Variants in METTL8 observed in about 807,000 individuals in gnomAD.
METTL8 encodes methyltransferase 8, tRNA N3-cytidine, also known as tRNA N(3)-cytidine methyltransferase METTL8, mitochondrial.
A neutral mutation model predicts 48.7 loss-of-function variants in METTL8; 32 were observed. The ratio of observed to expected loss-of-function variants is 0.66; its 90% CI spans 0.50 to 0.88. The LOEUF (loss-of-function observed/expected upper bound fraction) is 0.88. Among genes scored for constraint, METTL8 ranks in the 40% least tolerant of loss-of-function variants. The pLI is 0.00. For synonymous variants in METTL8, 136 were observed against 157.1 expected (o/e 0.87, Z 1.01); for missense variants, 464 against 474.4 (o/e 0.98, Z 0.20).
At chr2:171,347,055 C>T (rs1031310353) in intron 3 of METTL8, among the ~76,000 whole-genome samples, 1 of 152,184 alleles carries the variant, frequency 6.6e-6, no homozygotes, top group Non-Finnish European at 1.5e-5. Context: ...TGTTCCTTCT[C>T]CCTGCAGTGG....
chr2:171,413,882 G>T (rs1691005722), intron 1 of METTL8, among the ~76,000 whole-genome samples: 1 of 152,120 alleles, frequency 6.6e-6, no homozygotes, highest in Non-Finnish European at 1.5e-5. Flanking sequence ...AGGGGGCACT[G>T]AACTGAGAGA....
At chr2:171,354,364 TG>T (rs2105456054) in intron 3 of METTL8, among the ~76,000 whole-genome samples, 1 of 152,354 alleles carries the variant, frequency 6.6e-6, no homozygotes, top group African/African-American at 2.4e-5. Context: ...GTAGGTAACC[TG>T]ACCTTTCTCT....
chr2:171,361,017 TA>T (rs1685109731), intron 2 of METTL8, among the ~76,000 whole-genome samples: 1 of 152,228 alleles, frequency 6.6e-6, no homozygotes, highest in Non-Finnish European at 1.5e-5. Flanking sequence ...TTAGCTACTT[TA>T]ATTTCTGTAA....
rs1343759558 is a variant in METTL8 at position 171,323,818 on chromosome 2, C to T, written c.*354G>A. On this transcript the variant is annotated 3_prime_UTR_variant, in exon 10 of 10. Coordinates refer to ENST00000375258, the MANE Select transcript of METTL8 (RefSeq NM_001321154.2). ...TGGGAACTGGTTTACTAAGCCTAAA[C>T]AAATAAACAATTTTTTTTACTTGCA... 1 of 168,884 alleles carries T rather than the reference C, an allele frequency of 5.9e-6. No individual in the cohort carries two copies. Among genetic ancestry groups the T allele is most frequent in the Non-Finnish European group, 1.3e-5 (1 of 79,762 alleles). The allele number at this position is 168,884 out of a possible 1,614,324, so 10.5% of individuals were successfully genotyped here.
intron 2 of METTL8, among the ~76,000 whole-genome samples, chr2:171,377,887 A>G (rs1181233724): frequency 6.6e-6 from 1 of 152,212 alleles, no homozygotes; most frequent in Non-Finnish European, 1.5e-5. Flanking sequence ...GGTATCTCCC[A>G]AAGGAAAAGA....
intron 6 of METTL8, among the ~76,000 whole-genome samples, chr2:171,331,171 C>T (rs953977641): frequency 6.6e-6 from 1 of 152,092 alleles, no homozygotes; most frequent in Non-Finnish European, 1.5e-5. Flanking sequence ...AGTGCAGTGG[C>T]GCAATCTTGG....
intron 1 of METTL8, among the ~76,000 whole-genome samples, chr2:171,414,927 G>T (rs983617061): frequency 2.6e-5 from 4 of 152,080 alleles, no homozygotes; most frequent in Non-Finnish European, 5.9e-5. Flanking sequence ...AGTCTCACGA[G>T]ATCTGATGGT....
At chr2:171,396,990 C>CTT (rs34793762) in intron 1 of METTL8, among the ~76,000 whole-genome samples, 16 of 138,512 alleles carry the variant, frequency 1.2e-4, no homozygotes, top group African/African-American at 3.2e-4. Flanking sequence ...CACCTGGCTA[C>CTT]TTTTTTTTTT....
At chr2:171,336,769 CTA>C (rs1399877854) in intron 5 of METTL8, among the ~76,000 whole-genome samples, 2 of 150,828 alleles carry the variant, frequency 1.3e-5, no homozygotes, top group African/African-American at 4.9e-5. Context: ...ATTCAATTGT[CTA>C]TGTGTAAAAT....
rs916554150 is a variant in METTL8, at chr2:171,392,099, G to C, written c.87C>G (p.Ala29=). The C allele has an allele frequency of 2.6e-6, 4 of 1,551,212 alleles. No individual in the cohort carries two copies. Among genetic ancestry groups the C allele is most frequent in the Admixed American group, 3.9e-5 (2 of 50,974 alleles). Residue 29 remains alanine (A), a synonymous_variant, in exon 2 of 10, where the codon GCC becomes GCG. Transcript: ENST00000375258. The part of the protein sequence containing the change: ...HRYQSGYHPV[A]PLGSRILTDP... ...CAGTTAAAATCCTTGATCCCAGAGG[G>C]GCCACTGGGTGGTAACCACTTTGGT...
intron 3 of METTL8, among the ~76,000 whole-genome samples, chr2:171,358,489 A>G (rs1684822471): frequency 6.6e-6 from 1 of 152,184 alleles, no homozygotes; most frequent in African/African-American, 2.4e-5. Context: ...GAGAATAGAG[A>G]ACCCAAATAT....
Position 171,339,297 on chromosome 2 carries a change from C to T in METTL8, c.493G>A (p.Gly165Ser). Residue 165 changes from glycine (G) to serine (S), a missense_variant, in exon 4 of 10, where the codon GGT (glycine) becomes AGT (serine). Coordinates refer to ENST00000375258, the MANE Select transcript of METTL8 (RefSeq NM_001321154.2). ...AAATCAGATTCTGTTTTGCTTTGACCTTCTGAAGAACCAGAACTTTTCTCA... is the reference window on the plus strand; with the variant it reads ...AAATCAGATTCTGTTTTGCTTTGACTTTCTGAAGAACCAGAACTTTTCTCA... The part of the protein sequence containing the change: ...HYEKSSGSSE[G>S]QSKTESDFSN... 2 of 1,612,850 alleles carry T rather than the reference C, an allele frequency of 1.2e-6. No homozygotes were observed. The highest frequency in any genetic ancestry group is 1.7e-4 in the Middle Eastern group (1 of 6,050).
chr2:171,429,628 AAAC>A (rs1692777583), intron 1 of METTL8, among the ~76,000 whole-genome samples: 1 of 152,392 alleles, frequency 6.6e-6, no homozygotes, highest in Non-Finnish European at 1.5e-5. Flanking sequence ...AAAAGACAAA[AAAC>A]AAGAAAGAGA....
intron 2 of METTL8, among the ~76,000 whole-genome samples, chr2:171,390,702 A>G (rs1377682461): frequency 1.3e-5 from 2 of 152,212 alleles, no homozygotes; most frequent in Non-Finnish European, 2.9e-5. Context: ...TCATGATAAA[A>G]CTTGAACAGA....
chr2:171,333,099 T>A (rs1685717544), intron 5 of METTL8, among the ~76,000 whole-genome samples: 1 of 127,346 alleles, frequency 7.9e-6, no homozygotes, highest in East Asian at 4.0e-4. Context: ...TTTTTTCTTT[T>A]CTTTTTTTTT....
At chr2:171,380,933 ATAGC>A (rs1386380647) in intron 2 of METTL8, among the ~76,000 whole-genome samples, 1 of 152,260 alleles carries the variant, frequency 6.6e-6, no homozygotes, top group Non-Finnish European at 1.5e-5. Flanking sequence ...AAGAGCCCAT[ATAGC>A]TAAGACAATC....
chr2:171,350,486 G>A (rs1412809988), intron 3 of METTL8, among the ~76,000 whole-genome samples: 14 of 152,200 alleles, frequency 9.2e-5, no homozygotes, highest in Non-Finnish European at 1.8e-4. Flanking sequence ...CCAGTAATGG[G>A]ATGACTGGGT....
intron 3 of METTL8, among the ~76,000 whole-genome samples, chr2:171,348,513 A>G (rs1683538980): frequency 6.6e-6 from 1 of 152,194 alleles, no homozygotes; most frequent in Non-Finnish European, 1.5e-5. Context: ...TGTTGCCACA[A>G]GAGTGACCAA....
intron 6 of METTL8, 90 bp from the exon 7 acceptor site, chr2:171,330,788 C>T (rs552706626): frequency 2.8e-6 from 3 of 1,054,710 alleles, no homozygotes; most frequent in Non-Finnish European, 4.1e-6. Context: ...AAATTTTTAA[C>T]CTTTTCTCCC....
Sources: gnomAD v4.1 joint callset for allele counts (sites outside exome capture counted in the v4.1 genomes callset) on GRCh38, gnomAD v4.1.1 for gene constraint, MANE v1.5 for transcripts, NCBI Gene and HGNC (gene_info 2026-07-23, HGNC 2026-07-21) for gene names.